Variants in LINGO2 observed in about 807,000 individuals in gnomAD.
LINGO2 encodes the protein leucine-rich repeat and immunoglobulin-like domain-containing nogo receptor-interacting protein 2.
In LINGO2, 14 loss-of-function variants were observed where a neutral mutation model predicts 30.6. The ratio of observed to expected loss-of-function variants is 0.46; its 90% CI spans 0.30 to 0.72. The LOEUF (loss-of-function observed/expected upper bound fraction) is 0.72. LINGO2 is among the 30% of genes least tolerant of loss of function. The pLI is 0.07. For missense variants in LINGO2, 729 were observed against 751.7 expected, an observed-to-expected ratio of 0.97 and a Z score of 0.35; for synonymous variants, 317 against 288.5, an observed-to-expected ratio of 1.10 and a Z score of -1.00.
chr9:28,194,595 A>G (rs1819944059), intron 4 of LINGO2, among the ~76,000 whole-genome samples: 1 of 151,262 alleles, frequency 6.6e-6, no homozygotes, highest in Non-Finnish European at 1.5e-5. Context: ...TAAATTCACT[A>G]ATAACAAGGA....
At chr9:28,821,235 A>T in the LINGO2 span, among the ~76,000 whole-genome samples, 1 of 152,224 alleles carries the variant, frequency 6.6e-6, no homozygotes, top group Non-Finnish European at 1.5e-5. Context: ...GTTATATTTA[A>T]TTCTTGTTAG....
the LINGO2 span, among the ~76,000 whole-genome samples, chr9:29,081,499 G>A: frequency 7.9e-5 from 12 of 152,082 alleles, no homozygotes; most frequent in Admixed American, 2.6e-4. Flanking sequence ...AAAACTGGAA[G>A]CATTCTCTTT....
rs566657026 is a variant in LINGO2, at chr9:28,147,238, G to A, written c.-86-134833C>T. On this transcript the variant is annotated intron_variant, in intron 4 of 5. Transcript: ENST00000379992. The surrounding 1 kb of genome is among the most constrained non-coding windows in gnomAD (Gnocchi z 4.7). ...ATAGATGTTGTATCCATGATCATGA[G>A]GCACACAGGCCAGAGCGCCAGCTGT... is the stretch of plus-strand genomic sequence containing the variant. Among the ~76,000 whole-genome samples, 5 of 152,284 alleles carry A rather than the reference G, an allele frequency of 3.3e-5. No homozygotes were observed. Among genetic ancestry groups the A allele is most frequent in the Non-Finnish European group, 5.9e-5 (4 of 68,006 alleles).
chr9:28,399,857 C>A lies in LINGO2; in HGVS notation c.-278-26989G>T, dbSNP rs536765752. Among the ~76,000 whole-genome samples the A allele has an allele frequency of 5.3e-5, 8 of 152,200 alleles. No individual in the cohort carries two copies. In the East Asian group the frequency reaches 1.5e-3, roughly 29 times the overall value. On this transcript the variant is annotated intron_variant, in intron 2 of 5. Coordinates refer to ENST00000379992, the Ensembl canonical transcript of LINGO2. ...CTACATCCGACATATTTGCAGTGGG[C>A]AGATTTTTAAAAGTAATACCTATTT... is the stretch of plus-strand genomic sequence containing the variant.
the LINGO2 span, among the ~76,000 whole-genome samples, chr9:28,798,899 A>C: frequency 1.3e-5 from 2 of 152,150 alleles, no homozygotes; most frequent in African/African-American, 4.8e-5. Context: ...GGAAACATTT[A>C]TATGAATAAT....
At chr9:28,321,711 A>G (rs907149720) in intron 3 of LINGO2, among the ~76,000 whole-genome samples, 6 of 152,200 alleles carry the variant, frequency 3.9e-5, no homozygotes, top group Non-Finnish European at 5.9e-5. Context: ...AACATTCTCA[A>G]TTTCATTGTT....
chr9:28,449,390 A>T (rs1308599549), intron 2 of LINGO2, among the ~76,000 whole-genome samples: 7 of 151,462 alleles, frequency 4.6e-5, no homozygotes, highest in Admixed American at 1.3e-4. Context: ...TCTTTTTTTT[A>T]AAAAAAGTGA....
chr9:29,009,627 T>G, the LINGO2 span, among the ~76,000 whole-genome samples: 1 of 152,164 alleles, frequency 6.6e-6, no homozygotes, highest in African/African-American at 2.4e-5. Flanking sequence ...ATAGATTCAA[T>G]GCCATCCCCA....
chr9:28,697,359 G>A, the LINGO2 span, among the ~76,000 whole-genome samples: 1 of 151,732 alleles, frequency 6.6e-6, no homozygotes, highest in African/African-American at 2.4e-5. Flanking sequence ...TAATTTCAGT[G>A]AATATAACTT....
At chr9:28,835,383 A>G in the LINGO2 span, among the ~76,000 whole-genome samples, 16 of 152,310 alleles carry the variant, frequency 1.1e-4, no homozygotes, top group Admixed American at 6.5e-4. Flanking sequence ...CTGATATAAC[A>G]TGCTTATTTC....
chr9:28,288,095 T>A (rs1823583420), intron 4 of LINGO2, among the ~76,000 whole-genome samples: 1 of 152,136 alleles, frequency 6.6e-6, no homozygotes, highest in Non-Finnish European at 1.5e-5. Context: ...TCTTCCCTAC[T>A]TCCGCCCCAC....
intron 1 of LINGO2, among the ~76,000 whole-genome samples, chr9:28,635,266 G>C (rs985646876): frequency 2.0e-5 from 3 of 152,160 alleles, no homozygotes; most frequent in East Asian, 1.9e-4. Flanking sequence ...AATGCAGTGA[G>C]TAACATTAGA....
chr9:28,667,044 G>A (rs949975432), intron 1 of LINGO2, among the ~76,000 whole-genome samples: 1 of 151,910 alleles, frequency 6.6e-6, no homozygotes, highest in South Asian at 2.1e-4. Context: ...GATCATCAAC[G>A]ACTTATAGAA....
chr9:27,945,281 T>A (rs1164645969), downstream of LINGO2, among the ~76,000 whole-genome samples: 1 of 152,118 alleles, frequency 6.6e-6, no homozygotes, highest in Non-Finnish European at 1.5e-5. Flanking sequence ...CAGAGTAAAG[T>A]GACAAAAGTC....
the LINGO2 span, among the ~76,000 whole-genome samples, chr9:28,765,298 C>T: frequency 6.6e-6 from 1 of 151,976 alleles, no homozygotes; most frequent in African/African-American, 2.4e-5. Flanking sequence ...AGTATTAAAA[C>T]AGACAGATAG....
At chr9:28,538,803 A>G (rs1821546612) in intron 1 of LINGO2, among the ~76,000 whole-genome samples, 1 of 151,786 alleles carries the variant, frequency 6.6e-6, no homozygotes. Flanking sequence ...GAAAGTCCCC[A>G]CCTCCTAACA....
chr9:27,967,471 T>C (rs59765730), intron 5 of LINGO2, among the ~76,000 whole-genome samples: 6,037 of 152,246 alleles, frequency 0.04, 399 homozygotes, highest in African/African-American at 0.14. Context: ...ACATGTAGTT[T>C]AGCTACGTGG....
chr9:28,205,270 A>G (rs1001914950), intron 4 of LINGO2, among the ~76,000 whole-genome samples: 2 of 152,162 alleles, frequency 1.3e-5, no homozygotes, highest in South Asian at 4.1e-4. Flanking sequence ...CCTCACCTGA[A>G]TGTTTTCTTT....
Position 27,949,424 on chromosome 9 carries a change from C to A in LINGO2, c.1248G>T (p.Lys416Asn), listed in dbSNP as rs929456987. 5 of 1,614,000 alleles carry A rather than the reference C, an allele frequency of 3.1e-6. No homozygotes were observed. The African/African-American group carries it at 6.7e-5, about 22-fold the overall frequency. The stretch of plus-strand genomic sequence containing the variant: ...CTTCATCTACTAGCAGATGCTGCAA[C>A]TTCTTTTCACGGATTTTGGGTTTTT... Residue 416 changes from lysine (K) to asparagine (N), a missense_variant, in exon 6 of 6, where the codon AAG becomes AAT. Lys to Asn is a moderately conservative substitution (Grantham distance 94, BLOSUM62 0). Coordinates refer to ENST00000379992, the Ensembl canonical transcript of LINGO2.
Sources: allele counts gnomAD v4.1 joint callset (sites outside exome capture counted in the v4.1 genomes callset), GRCh38; gene constraint gnomAD v4.1.1; non-coding constraint Gnocchi (gnomAD v3.1); transcripts MANE v1.5; gene names NCBI Gene and HGNC (gene_info 2026-07-23, HGNC 2026-07-21).